The following TNRC18 variants were observed in gnomAD, a reference collection of about 807,000 sequenced individuals.
The protein encoded by TNRC18 is trinucleotide repeat containing 18.
In TNRC18, 69 loss-of-function variants were observed where a neutral mutation model predicts 226.7. The observed-to-expected ratio is 0.30, with a 90% CI of 0.25 to 0.37. TNRC18 has a LOEUF of 0.37. TNRC18 is among the 10% of genes least tolerant of loss of function. The pLI is 1.00. For missense variants in TNRC18, 4,754 were observed against 4,256.6 expected (o/e 1.12, Z -3.25); for synonymous variants, 2,449 against 1,927.6 (o/e 1.27, Z -7.09).
intron 15 of TNRC18, 132 bp from the exon 16 acceptor site, chr7:5,357,408 A>G: frequency 1.0e-6 from 1 of 995,854 alleles, no homozygotes; most frequent in Non-Finnish European, 1.4e-6. Flanking sequence ...CTTAGCACGC[A>G]TATATATTTA....
intron 15 of TNRC18, among the ~76,000 whole-genome samples, chr7:5,358,027 G>A (rs894894974): frequency 6.6e-5 from 10 of 152,140 alleles, no homozygotes; most frequent in South Asian, 2.1e-4. Context: ...GAAGGCAGCC[G>A]GATTAAGGGA....
At chr7:5,414,600 G>C (rs966477964) in intron 2 of TNRC18, among the ~76,000 whole-genome samples, 2 of 152,016 alleles carry the variant, frequency 1.3e-5, no homozygotes, top group African/African-American at 4.8e-5. Flanking sequence ...TTTTAGTAGA[G>C]ACGGGGTTTC....
At chr7:5,361,100 G>A (rs1792993010) in intron 14 of TNRC18, among the ~76,000 whole-genome samples, 1 of 152,178 alleles carries the variant, frequency 6.6e-6, no homozygotes, top group East Asian at 1.9e-4. Flanking sequence ...ACCCACACAG[G>A]TGCCCCACAA....
intron 5 of TNRC18, among the ~76,000 whole-genome samples, chr7:5,384,832 C>G (rs1018194373): frequency 6.6e-6 from 1 of 152,114 alleles, no homozygotes; most frequent in Admixed American, 6.6e-5. Flanking sequence ...CAGAGTGTAG[C>G]GGGGCTTCCC....
Position 5,377,503 on chromosome 7 carries a change from G to C in TNRC18, c.2329C>G (p.Leu777Val). ...SCAPNGLNPNLMVTGGPALAG... is the reference protein window; with the variant it reads ...SCAPNGLNPNVMVTGGPALAG... ...AGCGCCGGGCCCCCCGTCACCATGA[G>C]GTTGGGGTTCAGGCCGTTAGGAGCA... The change falls in exon 7 of 30, where the codon CTC (leucine) becomes GTC (valine). Residue 777 changes from leucine to valine, a missense_variant. Physicochemically the swap from Leu to Val is conservative, Grantham distance 32. Transcript: ENST00000430969. The surrounding 1 kb of genome is among the most constrained non-coding windows in gnomAD (Gnocchi z 5.8). 6.3e-7 allele frequency: 1 copy of C among 1,586,732 alleles called. No individual in the cohort carries two copies. Among genetic ancestry groups the C allele is most frequent in the Non-Finnish European group, 8.6e-7 (1 of 1,167,210 alleles).
intron 25 of TNRC18, among the ~76,000 whole-genome samples, 193 bp from the exon 26 acceptor site, chr7:5,315,341 G>T (rs1039695435): frequency 6.6e-6 from 1 of 152,216 alleles, no homozygotes; most frequent in African/African-American, 2.4e-5. Flanking sequence ...GCAGCCAGAG[G>T]CTCCCGAATA....
At chr7:5,318,968 C>T (rs954648327) in intron 24 of TNRC18, among the ~76,000 whole-genome samples, 1 of 152,052 alleles carries the variant, frequency 6.6e-6, no homozygotes, top group Non-Finnish European at 1.5e-5. Context: ...AGGAACTGAA[C>T]CAAAAAAGAG....
At chr7:5,366,697 G>C (rs1461389911) in intron 11 of TNRC18, among the ~76,000 whole-genome samples, 1 of 152,152 alleles carries the variant, frequency 6.6e-6, no homozygotes, top group African/African-American at 2.4e-5. Flanking sequence ...GTTGATGTTA[G>C]ATTGAAACCA....
intron 1 of TNRC18, chr7:5,422,901 G>A (rs1415891361): frequency 1.3e-5 from 2 of 152,156 alleles, no homozygotes; most frequent in Non-Finnish European, 2.9e-5. Context: ...TTTTGTAAGA[G>A]ATTCTTTGGG....
At chr7:5,386,944 CAT>C (rs1205878124) in intron 5 of TNRC18, among the ~76,000 whole-genome samples, 10 of 152,038 alleles carry the variant, frequency 6.6e-5, no homozygotes, top group Admixed American at 6.6e-4. Flanking sequence ...CATGGTGGCA[CAT>C]GTCTGTAATC....
chr7:5,315,080 T>C lies in TNRC18; in HGVS notation c.6931A>G (p.Thr2311Ala). The part of the protein sequence containing the change: ...KRRSRKTSKD[T>A]GEGKDGGTAG... ...GTGCCACCATCTTTGCCCTCCCCAG[T>C]GTCTTTGCTGGTCTTCCGGCTGCGG... The change falls in exon 26 of 30, where the codon ACT (threonine) becomes GCT (alanine). Residue 2311 changes from threonine to alanine, a missense_variant. Physicochemically the swap from Thr to Ala is moderately conservative, Grantham distance 58. Coordinates refer to ENST00000430969, the MANE Select transcript of TNRC18 (RefSeq NM_001080495.3). 1.9e-6 allele frequency: 3 copies of C among 1,612,756 alleles called. No individual in the cohort carries two copies. Among genetic ancestry groups the C allele is most frequent in the Non-Finnish European group, 2.5e-6 (3 of 1,179,558 alleles).
Position 5,350,433 on chromosome 7 carries a change from C to T in TNRC18, c.5470+1386G>A, listed in dbSNP as rs889038332. On this transcript the variant is annotated intron_variant, in intron 17 of 29. Coordinates refer to ENST00000430969, the MANE Select transcript of TNRC18 (RefSeq NM_001080495.3). ...CAAGAGCAGGGCTGGAAAAACAGGG[C>T]GGGCGGGGGGCGGGGGCAGCATTCA... Among the ~76,000 whole-genome samples the T allele has an allele frequency of 2.2e-4, 16 of 72,932 alleles. No homozygotes were observed. In the South Asian group the frequency reaches 4.9e-3, roughly 22 times the overall value. 47.8% of individuals were successfully genotyped at this position (72,932 alleles called of 152,430 possible).
At chr7:5,416,075 G>A (rs1179061457) in intron 2 of TNRC18, among the ~76,000 whole-genome samples, 1 of 146,418 alleles carries the variant, frequency 6.8e-6, no homozygotes, top group East Asian at 2.0e-4. Flanking sequence ...TCGTGCCACT[G>A]CACTCCAGCC....
chr7:5,408,200 G>A (rs1781603707), intron 2 of TNRC18, among the ~76,000 whole-genome samples: 1 of 151,822 alleles, frequency 6.6e-6, no homozygotes, highest in Admixed American at 6.6e-5. Context: ...TCAGGAGGCT[G>A]AGGCAGGGGA....
Position 5,388,031 on chromosome 7 carries a change from TC to T in TNRC18, c.1792del (p.Asp598ThrfsTer22). On this transcript the variant is annotated frameshift_variant, in exon 5 of 30. Transcript: ENST00000430969. LOFTEE classifies it high-confidence loss of function. ...GCCACCAGGGCGCACGGCCACGGCGTCCCGGGCAAAGCTGCCACTGTACTTT... is the reference window on the plus strand; with the variant it reads ...GCCACCAGGGCGCACGGCCACGGCGTCCGGGCAAAGCTGCCACTGTACTTT... ...LIKYSGSFAR[D>X]AVAVRPGGCG... The T allele has an allele frequency of 6.4e-7, 1 of 1,566,262 alleles. No homozygotes were observed. Among genetic ancestry groups the T allele is most frequent in the Non-Finnish European group, 8.6e-7 (1 of 1,156,520 alleles).
chr7:5,352,051 C>A lies in TNRC18; in HGVS notation c.5238G>T (p.Trp1746Cys). ...EEDEEFLKDE[W>C]PAQGPSSSKL... ...TGGAGCTGGAGGGGCCTTGGGCGGG[C>A]CACTCGTCCTTCAGGAATTCTTCGT... Residue 1746 changes from tryptophan to cysteine, a missense_variant, in exon 17 of 30, where the codon TGG becomes TGT. By Grantham distance (215) the Trp-to-Cys change is radical (BLOSUM62 -2). Coordinates refer to ENST00000430969, the MANE Select transcript of TNRC18 (RefSeq NM_001080495.3). 1.9e-6 allele frequency: 3 copies of A among 1,611,834 alleles called. No individual in the cohort carries two copies. The highest frequency in any genetic ancestry group is 2.5e-6 in the Non-Finnish European group (3 of 1,178,928).
chr7:5,389,460 G>GTTTTTTTT, intron 4 of TNRC18, 124 bp from the exon 5 acceptor site: 11 of 535,640 alleles, frequency 2.1e-5, no homozygotes, highest in Middle Eastern at 6.0e-4. Context: ...TTTTGGTTTT[G>GTTTTTTTT]GTTTTTTTTT....
intron 26 of TNRC18, among the ~76,000 whole-genome samples, chr7:5,314,144 T>A (rs7797183): frequency 0.043 from 6,462 of 151,874 alleles, 464 homozygotes; most frequent in African/African-American, 0.15. Flanking sequence ...TATTATTATT[T>A]TTTTTTTTGT....
At chr7:5,352,384 G>A in intron 16 of TNRC18, among the ~76,000 whole-genome samples, 1 of 152,076 alleles carries the variant, frequency 6.6e-6, no homozygotes, top group Non-Finnish European at 1.5e-5. Context: ...GTCACTCCAG[G>A]CTTTCCGGGC....
Sources: gnomAD v4.1 joint callset for allele counts (sites outside exome capture counted in the v4.1 genomes callset) on GRCh38, gnomAD v4.1.1 for gene constraint, Gnocchi (gnomAD v3.1) non-coding constraint, MANE v1.5 for transcripts, NCBI Gene and HGNC (gene_info 2026-07-23, HGNC 2026-07-21) for gene names.